The following CRB3 variants were observed in gnomAD, a reference collection of about 807,000 sequenced individuals.
The protein encoded by CRB3 is protein crumbs homolog 3.
In CRB3, 4 loss-of-function variants were observed where a neutral mutation model predicts 10.4. The observed-to-expected ratio is 0.39, with a 90% CI of 0.19 to 0.88. CRB3 has a LOEUF of 0.88. CRB3 is among the 40% of genes least tolerant of loss of function. The pLI, the probability that CRB3 is intolerant of heterozygous loss-of-function variation, is 0.39. For synonymous variants in CRB3, 74 were observed against 73.4 expected (o/e 1.01, Z -0.04); for missense variants, 154 against 160.2 (o/e 0.96, Z 0.21).
chr19:6,465,026 T>G, intron 2 of CRB3: 2 of 336,982 alleles, frequency 5.9e-6, no homozygotes, highest in African/African-American at 2.1e-5. Flanking sequence ...GGTGGAATTG[T>G]GTGTTGGAGT....
rs770108481 is a variant in CRB3, at chr19:6,466,467, G to C, written c.158G>C (p.Arg53Pro). The change falls in exon 4 of 4, where the codon CGT (arginine) becomes CCT (proline). Residue 53 changes from arginine to proline, a missense_variant and splice_region_variant. Transcript: ENST00000600229. The surrounding 1 kb of genome is among the most constrained non-coding windows in gnomAD (Gnocchi z 4.9). ...STSSSSDGNL[R>P]PEAITAIIVV... ...TTCACACCTGTCCCCTCTCTGCAGC[G>C]TCCAGAAGCCATCACTGCTATCATC... The C allele has an allele frequency of 4.3e-6, 7 of 1,613,302 alleles. No homozygotes were observed. The South Asian group carries it at 7.7e-5, about 18-fold the overall frequency.
chr19:6,465,237 C>T (rs965497277), intron 2 of CRB3: 25 of 385,308 alleles, frequency 6.5e-5, no homozygotes, highest in Non-Finnish European at 5.2e-5. Context: ...TCAGACACTC[C>T]AGGGAAAAGC....
rs2092794297 is a variant in CRB3 at position 6,466,366 on chromosome 19, T to G, written c.157-100T>G. 7 of 916,032 alleles carry G rather than the reference T, an allele frequency of 7.6e-6. No individual in the cohort carries two copies. In the Admixed American group the frequency reaches 1.1e-4, roughly 14 times the overall value. 56.7% of individuals were successfully genotyped at this position (916,032 alleles called of 1,614,324 possible). On this transcript the variant is annotated intron_variant, in intron 3 of 3. Transcript: ENST00000600229. The surrounding 1 kb of genome is among the most constrained non-coding windows in gnomAD (Gnocchi z 4.9). ...AGTGGCAGATGTGTGTATGTGTGTG[T>G]GTGTGTTGTGGGGTAGGGGGTGATG...
At position 6,466,566 on chromosome 19, in the gene CRB3, A is replaced by G; in HGVS notation, c.257A>G (p.Lys86Arg). 1 of 1,611,396 alleles carries G rather than the reference A, an allele frequency of 6.2e-7. No individual in the cohort carries two copies. The highest frequency in any genetic ancestry group is 8.5e-7 in the Non-Finnish European group (1 of 1,179,944). ...CTGTTGGTGCGGAAGCTTCGGGAGA[A>G]GCGGCAGACGGAGGGCACCTACCGG... ...LALLVRKLREKRQTEGTYRPS... is the reference protein window; with the variant it reads ...LALLVRKLRERRQTEGTYRPS... Residue 86 changes from lysine to arginine, a missense_variant, in exon 4 of 4, where the codon AAG becomes AGG. Transcript: ENST00000600229. The surrounding 1 kb of genome is among the most constrained non-coding windows in gnomAD (Gnocchi z 4.9).
chr19:6,466,439 T>A lies in CRB3; in HGVS notation c.157-27T>A, dbSNP rs779461417. 4.4e-6 allele frequency: 7 copies of A among 1,605,986 alleles called. No individual in the cohort carries two copies. In the Admixed American group the frequency reaches 6.7e-5, roughly 15 times the overall value. On this transcript the variant is annotated intron_variant, in intron 3 of 3. Transcript: ENST00000600229. The surrounding 1 kb of genome is among the most constrained non-coding windows in gnomAD (Gnocchi z 4.9). ...GGTGGACAGGCTACCCAGGCTCAGG[T>A]GATTCACACCTGTCCCCTCTCTGCA... is the stretch of plus-strand genomic sequence containing the variant.
upstream of CRB3, chr19:6,463,815 G>T (rs935981961): frequency 2.6e-5 from 4 of 151,562 alleles, no homozygotes; most frequent in African/African-American, 9.7e-5. Flanking sequence ...ATGAGGCCTC[G>T]CTGTGTTGCC....
Position 6,464,552 on chromosome 19 carries a change from C to T in CRB3, c.-94-56C>T. On this transcript the variant is annotated intron_variant, in intron 1 of 3. Coordinates refer to ENST00000600229, the MANE Select transcript of CRB3 (RefSeq NM_139161.5). The surrounding 1 kb of genome is among the most constrained non-coding windows in gnomAD (Gnocchi z 5.3). ...GCCAGTTGTCTCTCCTGTGGGCCTG[C>T]GCCGGGGTCCCCACCCCGATCCCAA... The T allele has an allele frequency of 2.3e-6, 1 of 427,132 alleles. No homozygotes were observed. The highest frequency in any genetic ancestry group is 3.9e-6 in the Non-Finnish European group (1 of 253,556). 26.5% of individuals were successfully genotyped at this position (427,132 alleles called of 1,614,324 possible).
chr19:6,465,516 G>A, intron 2 of CRB3, 29 bp from the exon 3 acceptor site: 1 of 1,593,542 alleles, frequency 6.3e-7, no homozygotes, highest in African/African-American at 1.3e-5. Flanking sequence ...GATGGAGACT[G>A]AGTTATTCTC....
In CRB3 at chr19:6,466,627, A is replaced by G. The variant is rs140748113; in HGVS notation, c.318A>G (p.Pro106=). 21,180 of 1,603,948 alleles carry G rather than the reference A, an allele frequency of 0.013. 160 individuals are homozygous for G. The highest frequency in any genetic ancestry group is 0.016 in the Non-Finnish European group (18,911 of 1,179,880). The stretch of plus-strand genomic sequence containing the variant: ...AGGAGCAGGTGGGTGCCCGCGTGCC[A>G]CCGACCCCCAACCTCAAGTTGCCGC... ...SSEEQVGARV[P]PTPNLKLPPE... The change falls in exon 4 of 4, where the codon CCA becomes CCG. Residue 106 remains proline (P), a synonymous_variant. Transcript: ENST00000600229. This position sits in a 1 kb window ranked among gnomAD's most constrained non-coding sequence, Gnocchi z 4.9.
chr19:6,464,668 C>G lies in CRB3; in HGVS notation c.-34C>G, dbSNP rs2092786023. 8.2e-7 allele frequency: 1 copy of G among 1,212,476 alleles called. No homozygotes were observed. The highest frequency in any genetic ancestry group is 4.2e-5 in the Admixed American group (1 of 23,736). The allele number at this position is 1,212,476 out of a possible 1,614,324, so 75.1% of individuals were successfully genotyped here. ...GTAGGAGGGGCGAGCGCGAGAAGCC[C>G]CTTCCTCGGCGCTGCCAACCCGCCA... On this transcript the variant is annotated 5_prime_UTR_variant, in exon 2 of 4. Coordinates refer to ENST00000600229, the MANE Select transcript of CRB3 (RefSeq NM_139161.5). The surrounding 1 kb of genome is among the most constrained non-coding windows in gnomAD (Gnocchi z 5.3).
intron 2 of CRB3, chr19:6,465,056 T>G: frequency 3.2e-6 from 1 of 308,666 alleles, no homozygotes. Flanking sequence ...TAAGTAGGAC[T>G]TGGGGGGAGG....
At position 6,466,357 on chromosome 19, in the gene CRB3, ATGTGTG is replaced by A; in HGVS notation, c.157-99_157-94del. 1.2e-6 allele frequency: 1 copy of A among 824,664 alleles called. No homozygotes were observed. Among genetic ancestry groups the A allele is most frequent in the Non-Finnish European group, 2.0e-6 (1 of 505,128 alleles). 51.1% of individuals were successfully genotyped at this position (824,664 alleles called of 1,614,324 possible). A position where few individuals can be genotyped will look rare whatever the true frequency, so the allele number is the denominator to read the frequency against. Reference sequence around the variant, plus strand: ...ATCACCAAAAGTGGCAGATGTGTGTATGTGTGTGTGTGTGTTGTGGGGTAGGGGGTG... The same window carrying A: ...ATCACCAAAAGTGGCAGATGTGTGTATGTGTGTGTTGTGGGGTAGGGGGTG... On this transcript the variant is annotated intron_variant, in intron 3 of 3. Coordinates refer to ENST00000600229, the MANE Select transcript of CRB3 (RefSeq NM_139161.5). The surrounding 1 kb of genome is among the most constrained non-coding windows in gnomAD (Gnocchi z 4.9).
In CRB3 at chr19:6,464,396, A is replaced by G. The variant is rs1387222727; in HGVS notation, c.-95+46A>G. 2.4e-5 allele frequency: 7 copies of G among 290,796 alleles called. No homozygotes were observed. Among genetic ancestry groups the G allele is most frequent in the Non-Finnish European group, 4.4e-5 (7 of 157,786 alleles). 18.0% of individuals were successfully genotyped at this position (290,796 alleles called of 1,614,324 possible). A position where few individuals can be genotyped will look rare whatever the true frequency, so the allele number is the denominator to read the frequency against. On this transcript the variant is annotated intron_variant, in intron 1 of 3. Transcript: ENST00000600229. This position sits in a 1 kb window ranked among gnomAD's most constrained non-coding sequence, Gnocchi z 5.3. ...GCTAGGCCTGCCCCCTCGCCCGTCC[A>G]CCCTGCCCGTCCCGTCCCGTCCCGT...
chr19:6,466,653 C>T lies in CRB3; in HGVS notation c.344C>T (p.Pro115Leu), dbSNP rs371228063. ...VPPTPNLKLPPEERLI is the reference protein window; with the variant it reads ...VPPTPNLKLPLEERLI ...CCGACCCCCAACCTCAAGTTGCCGCCGGAAGAGCGGCTCATCTGAACGCTG... is the reference window on the plus strand; with the variant it reads ...CCGACCCCCAACCTCAAGTTGCCGCTGGAAGAGCGGCTCATCTGAACGCTG... The change falls in exon 4 of 4, where the codon CCG becomes CTG. Residue 115 changes from proline (P) to leucine (L), a missense_variant. By Grantham distance (98) the Pro-to-Leu change is moderately conservative (BLOSUM62 -3). Coordinates refer to ENST00000600229, the MANE Select transcript of CRB3 (RefSeq NM_139161.5). This position sits in a 1 kb window ranked among gnomAD's most constrained non-coding sequence, Gnocchi z 4.9. 122 of 1,601,096 alleles carry T rather than the reference C, an allele frequency of 7.6e-5. No individual in the cohort carries two copies. The highest frequency in any genetic ancestry group is 1.1e-4 in the African/African-American group (8 of 74,876).
Position 6,466,875 on chromosome 19 carries a change from C to A in CRB3, c.*203C>A. On this transcript the variant is annotated 3_prime_UTR_variant, in exon 4 of 4. Transcript: ENST00000600229. This position sits in a 1 kb window ranked among gnomAD's most constrained non-coding sequence, Gnocchi z 4.9. ...CAGCTCAGGGTGCTGGGGCTCGGGA[C>A]CCACCCCCCTGCTTGCGGAACCAAC... 4 of 1,580,632 alleles carry A rather than the reference C, an allele frequency of 2.5e-6. No individual in the cohort carries two copies. In the Admixed American group the frequency reaches 5.3e-5, roughly 21 times the overall value.
rs1450997934 is a variant in CRB3 at position 6,466,489 on chromosome 19, C to A, written c.180C>A (p.Ile60=). The A allele has an allele frequency of 6.8e-6, 11 of 1,613,866 alleles. No individual in the cohort carries two copies. The highest frequency in any genetic ancestry group is 8.5e-6 in the Non-Finnish European group (10 of 1,180,024). The stretch of plus-strand genomic sequence containing the variant: ...AGCGTCCAGAAGCCATCACTGCTAT[C>A]ATCGTGGTCTTCTCCCTCTTGGCTG... The part of the protein sequence containing the change: ...GNLRPEAITA[I]IVVFSLLAAL... Residue 60 remains isoleucine, a synonymous_variant, in exon 4 of 4, where the codon ATC becomes ATA. Transcript: ENST00000600229. This position sits in a 1 kb window ranked among gnomAD's most constrained non-coding sequence, Gnocchi z 4.9.
chr19:6,464,528 C>T lies in CRB3; in HGVS notation c.-94-80C>T. 5.0e-6 allele frequency: 2 copies of T among 400,228 alleles called. No individual in the cohort carries two copies. The highest frequency in any genetic ancestry group is 3.6e-5 in the East Asian group (1 of 27,948). 24.8% of individuals were successfully genotyped at this position (400,228 alleles called of 1,614,324 possible). On this transcript the variant is annotated intron_variant, in intron 1 of 3. Transcript: ENST00000600229. The surrounding 1 kb of genome is among the most constrained non-coding windows in gnomAD (Gnocchi z 5.3). ...GGCGGGACTCATGGGTGCCCTGGCG[C>T]CAGTTGTCTCTCCTGTGGGCCTGCG...
At chr19:6,465,141 G>C (rs1027523533) in intron 2 of CRB3, 1 of 282,870 alleles carries the variant, frequency 3.5e-6, no homozygotes, top group Admixed American at 5.0e-5. Flanking sequence ...GAGGCCTGCC[G>C]AGCCGGGTCG....
chr19:6,465,778 A>G (rs924432164), intron 3 of CRB3, among the ~76,000 whole-genome samples, 160 bp downstream of exon 3: 1 of 152,140 alleles, frequency 6.6e-6, no homozygotes, highest in Non-Finnish European at 1.5e-5. Flanking sequence ...TCTTAGACCA[A>G]GAAGACTAGG....
Sources: allele counts gnomAD v4.1 joint callset (sites outside exome capture counted in the v4.1 genomes callset), GRCh38; gene constraint gnomAD v4.1.1; non-coding constraint Gnocchi (gnomAD v3.1); transcripts MANE v1.5; gene names NCBI Gene and HGNC (gene_info 2026-07-23, HGNC 2026-07-21).